LHFPL6: variants seen among roughly 807,000 people sequenced by gnomAD.
LHFPL6 encodes the protein LHFPL tetraspan subfamily member 6, also known as LHFPL tetraspan subfamily member 6 protein.
In LHFPL6, 9 loss-of-function variants were observed where a neutral mutation model predicts 20.6. The ratio of observed to expected loss-of-function variants is 0.44; its 90% CI spans 0.26 to 0.76. The LOEUF (loss-of-function observed/expected upper bound fraction) is 0.76, where lower values mean the gene tolerates loss of function less well. Among genes scored for constraint, LHFPL6 ranks in the 30% least tolerant of loss-of-function variants. The pLI, the probability that LHFPL6 is intolerant of heterozygous loss-of-function variation, is 0.20. For synonymous variants in LHFPL6, 105 were observed against 98.7 expected (o/e 1.06, Z -0.38); for missense variants, 218 against 253.5 (o/e 0.86, Z 0.95).
chr13:39,426,013 A>G (rs1174741364), intron 2 of LHFPL6, among the ~76,000 whole-genome samples: 1 of 152,056 alleles, frequency 6.6e-6, no homozygotes, highest in Non-Finnish European at 1.5e-5. Flanking sequence ...AAAAATATAT[A>G]TCATAAAATT....
intron 2 of LHFPL6, among the ~76,000 whole-genome samples, chr13:39,411,988 AT>A (rs1216705309): frequency 1.6e-4 from 25 of 152,236 alleles, no homozygotes; most frequent in Non-Finnish European, 5.9e-5. Context: ...TCTGTGGGAC[AT>A]AAGTATTAGA....
intron 2 of LHFPL6, among the ~76,000 whole-genome samples, chr13:39,456,950 C>A (rs535782635): frequency 4.6e-5 from 7 of 152,080 alleles, no homozygotes. Flanking sequence ...GCATGAGCCA[C>A]CACGCCCGGC....
chr13:39,587,281 T>C (rs1872478264), intron 2 of LHFPL6, among the ~76,000 whole-genome samples: 1 of 152,142 alleles, frequency 6.6e-6, no homozygotes, highest in African/African-American at 2.4e-5. Context: ...GTAAATCTAT[T>C]ACCATTCCCT....
rs528881044 is a variant in LHFPL6, at chr13:39,535,664, T to C, written c.385+65168A>G. Among the ~76,000 whole-genome samples, 4 of 152,318 alleles carry C rather than the reference T, an allele frequency of 2.6e-5. No individual in the cohort carries two copies. In the South Asian group the frequency reaches 8.3e-4, roughly 32 times the overall value. On this transcript the variant is annotated intron_variant, in intron 2 of 3. Transcript: ENST00000379589. Reference sequence around the variant, plus strand: ...ACACATTCTGCTTTACTAGCTATCATTTTTTACCTGGTTGAAGTTGACCTA... The same window carrying C: ...ACACATTCTGCTTTACTAGCTATCACTTTTTACCTGGTTGAAGTTGACCTA...
chr13:39,489,449 C>T (rs563378309), intron 2 of LHFPL6, among the ~76,000 whole-genome samples: 16 of 152,212 alleles, frequency 1.1e-4, no homozygotes, highest in Middle Eastern at 3.4e-3. Context: ...CTCTCAGCTC[C>T]TTCTTAATCT....
rs568697857 is a variant in LHFPL6 at position 39,344,118 on chromosome 13, T to C, written c.485-64A>G. The C allele has an allele frequency of 5.2e-6, 7 of 1,345,894 alleles. No individual in the cohort carries two copies. In the East Asian group the frequency reaches 1.2e-4, roughly 22 times the overall value. The allele number at this position is 1,345,894 out of a possible 1,614,324, so 83.4% of individuals were successfully genotyped here. A position where few individuals can be genotyped will look rare whatever the true frequency, so the allele number is the denominator to read the frequency against. On this transcript the variant is annotated intron_variant, in intron 3 of 3. Transcript: ENST00000379589. ...GAGGATGATTTTGCAGCAGGGTTTC[T>C]TATTGCTTCCAGTGTGTGGGTTCTG...
At chr13:39,528,714 A>G (rs144130817) in intron 2 of LHFPL6, among the ~76,000 whole-genome samples, 60 of 152,346 alleles carry the variant, frequency 3.9e-4, no homozygotes, top group African/African-American at 1.3e-3. Flanking sequence ...CTGGGCTACA[A>G]TTCTTACACT....
chr13:39,437,038 CTT>C (rs1226169900), intron 2 of LHFPL6, among the ~76,000 whole-genome samples: 1 of 152,208 alleles, frequency 6.6e-6, no homozygotes, highest in African/African-American at 2.4e-5. Context: ...ATTTTACAGA[CTT>C]ATTATAATAT....
At chr13:39,536,496 C>CA (rs1870623291) in intron 2 of LHFPL6, among the ~76,000 whole-genome samples, 1 of 152,150 alleles carries the variant, frequency 6.6e-6, no homozygotes, top group Non-Finnish European at 1.5e-5. Flanking sequence ...CTGCCCAACT[C>CA]ATGGCTCTCC....
chr13:39,597,967 T>C (rs892502471), intron 2 of LHFPL6, among the ~76,000 whole-genome samples: 2 of 152,274 alleles, frequency 1.3e-5, no homozygotes, highest in African/African-American at 2.4e-5. Context: ...AGGATGCCTC[T>C]GTATTTTGCC....
At chr13:39,543,876 T>C (rs559307336) in intron 2 of LHFPL6, among the ~76,000 whole-genome samples, 1 of 152,360 alleles carries the variant, frequency 6.6e-6, no homozygotes, top group South Asian at 2.1e-4. Flanking sequence ...AGTATCTTGA[T>C]GACATGTCTC....
At chr13:39,434,880 C>A in intron 2 of LHFPL6, among the ~76,000 whole-genome samples, 1 of 151,518 alleles carries the variant, frequency 6.6e-6, no homozygotes. Flanking sequence ...CAAGGTGAAA[C>A]CCCGTCTCTA....
chr13:39,398,775 C>T (rs1870906906), intron 2 of LHFPL6, among the ~76,000 whole-genome samples: 1 of 152,190 alleles, frequency 6.6e-6, no homozygotes, highest in Admixed American at 6.5e-5. Flanking sequence ...GTCAGATCAA[C>T]AGTGGCATTA....
At chr13:39,499,445 C>T (rs892319058) in intron 2 of LHFPL6, among the ~76,000 whole-genome samples, 1 of 152,200 alleles carries the variant, frequency 6.6e-6, no homozygotes, top group Non-Finnish European at 1.5e-5. Context: ...CTTGAGAGAA[C>T]AGACCTGCAG....
intron 2 of LHFPL6, among the ~76,000 whole-genome samples, chr13:39,556,671 G>A (rs1198033426): frequency 6.6e-6 from 1 of 152,150 alleles, no homozygotes. Flanking sequence ...TATATTTAAA[G>A]AGAAAGCAGT....
chr13:39,582,831 G>A (rs1023730958), intron 2 of LHFPL6, among the ~76,000 whole-genome samples: 5 of 152,108 alleles, frequency 3.3e-5, no homozygotes, highest in African/African-American at 9.7e-5. Flanking sequence ...GACAGACATC[G>A]TCATATTTAA....
At chr13:39,484,332 T>C (rs1336454797) in intron 2 of LHFPL6, among the ~76,000 whole-genome samples, 2 of 152,210 alleles carry the variant, frequency 1.3e-5, no homozygotes, top group Admixed American at 6.5e-5. Flanking sequence ...AGTGAATAGA[T>C]GTCATGCTTG....
chr13:39,479,688 A>T (rs1186436428), intron 2 of LHFPL6, among the ~76,000 whole-genome samples: 1 of 152,214 alleles, frequency 6.6e-6, no homozygotes, highest in African/African-American at 2.4e-5. Context: ...AAATATAATA[A>T]TGAGTAAAAT....
intron 2 of LHFPL6, among the ~76,000 whole-genome samples, chr13:39,562,429 T>TACATATAC (rs1185305572): frequency 7.0e-6 from 1 of 142,824 alleles, no homozygotes. Flanking sequence ...TATACATATA[T>TACATATAC]ACATATATAC....
Sources: allele counts gnomAD v4.1 joint callset (sites outside exome capture counted in the v4.1 genomes callset), GRCh38; gene constraint gnomAD v4.1.1; transcripts MANE v1.5; gene names NCBI Gene and HGNC (gene_info 2026-07-23, HGNC 2026-07-21).